ANKRD30BL: variants seen among roughly 807,000 people sequenced by gnomAD.
ANKRD30BL encodes the protein ankyrin repeat domain 30B like.
ANKRD30BL carries 20 observed loss-of-function variants against 18.4 expected under a neutral mutation model. The observed-to-expected ratio is 1.09, with a 90% CI of 0.77 to 1.58. ANKRD30BL has a LOEUF of 1.58. Among genes scored for constraint, ANKRD30BL ranks in the 40% most tolerant of loss-of-function variants. ANKRD30BL has a pLI of 0.00. For missense variants in ANKRD30BL, 224 were observed against 268.6 expected, an observed-to-expected ratio of 0.83 and a Z score of 1.16; for synonymous variants, 72 against 100.9, an observed-to-expected ratio of 0.71 and a Z score of 1.72.
chr2:132,177,144 G>A (rs1688379152), intron 1 of ANKRD30BL, among the ~76,000 whole-genome samples: 1 of 151,546 alleles, frequency 6.6e-6, no homozygotes, highest in South Asian at 2.1e-4. Context: ...TCCTTAGCCA[G>A]ATGTGCCTAT....
At chr2:132,222,246 A>T (rs1348932444) in intron 1 of ANKRD30BL, among the ~76,000 whole-genome samples, 1 of 130,022 alleles carries the variant, frequency 7.7e-6, no homozygotes, top group African/African-American at 2.9e-5. Context: ...CAGCCGCCCC[A>T]TCCGGGAGGT....
chr2:132,185,665 T>C (rs569939043), intron 1 of ANKRD30BL, among the ~76,000 whole-genome samples: 2 of 152,270 alleles, frequency 1.3e-5, no homozygotes, highest in African/African-American at 2.4e-5. Context: ...GATCATACTG[T>C]CTCTGTCCAG....
At chr2:132,246,820 TAGGCAGAAGAATTCTCA>T (rs746320160) in intron 1 of ANKRD30BL, among the ~76,000 whole-genome samples, 16 of 151,728 alleles carry the variant, frequency 1.1e-4, no homozygotes, top group Admixed American at 4.0e-4. Context: ...CCAATAAAAC[TAGGCAGAAGAATTCTCA>T]GAAACTTCTT....
At chr2:132,242,521 T>TG (rs1680367139) in intron 1 of ANKRD30BL, among the ~76,000 whole-genome samples, 1 of 148,120 alleles carries the variant, frequency 6.8e-6, no homozygotes, top group Admixed American at 6.6e-5. Context: ...TTGTGGCCTA[T>TG]GGTGAAAAAG....
At chr2:132,206,107 G>A (rs1386420772) in intron 1 of ANKRD30BL, among the ~76,000 whole-genome samples, 6 of 152,086 alleles carry the variant, frequency 3.9e-5, no homozygotes, top group African/African-American at 1.2e-4. Flanking sequence ...GCAGTGAGCC[G>A]AGATGATGCC....
chr2:132,198,336 TTTTTTTA>T (rs1679017524), intron 1 of ANKRD30BL, among the ~76,000 whole-genome samples: 1 of 129,430 alleles, frequency 7.7e-6, no homozygotes, highest in African/African-American at 3.1e-5. Context: ...TTTTTTTTTT[TTTTTTTA>T]GACAGAGTCT....
chr2:132,182,958 T>C (rs573497007), intron 1 of ANKRD30BL, among the ~76,000 whole-genome samples: 69 of 152,254 alleles, frequency 4.5e-4, no homozygotes, highest in African/African-American at 1.6e-3. Flanking sequence ...TATTTTGATA[T>C]ATTTGAAAGA....
intron 1 of ANKRD30BL, among the ~76,000 whole-genome samples, chr2:132,249,168 TC>T (rs138598816): frequency 1.3e-5 from 2 of 152,158 alleles, no homozygotes; most frequent in African/African-American, 2.4e-5. Flanking sequence ...TTCACAAATA[TC>T]CCTTTGCATA....
chr2:132,154,270 T>G (rs1379438076), intron 4 of ANKRD30BL, among the ~76,000 whole-genome samples: 2 of 152,182 alleles, frequency 1.3e-5, no homozygotes, highest in Admixed American at 6.5e-5. Flanking sequence ...CAGCAAATAT[T>G]GCATTTTTTA....
At position 132,244,644 on chromosome 2, in the gene ANKRD30BL, C is replaced by T. The variant is rs1344918799; in HGVS notation, n.441+12885G>A. ...GACACTTCGTTGTGATGTGTGCACT[C>T]AAATCACAGAATTGAACTTCTCTTT... On this transcript the variant is annotated intron_variant and non_coding_transcript_variant, in intron 1 of 4. Transcript: ENST00000470729. 3.9e-5 allele frequency among the ~76,000 whole-genome samples: 6 copies of T among 152,288 alleles called. No homozygotes were observed. The South Asian group carries it at 8.3e-4, about 21-fold the overall frequency.
chr2:132,214,126 A>G (rs10928294), intron 1 of ANKRD30BL, among the ~76,000 whole-genome samples: 302 of 112,604 alleles, frequency 2.7e-3, no homozygotes, highest in East Asian at 0.012. Context: ...TATTTGGAGC[A>G]CTTTGAGACC....
intron 1 of ANKRD30BL, among the ~76,000 whole-genome samples, chr2:132,176,005 A>G (rs1688362460): frequency 6.6e-6 from 1 of 152,230 alleles, no homozygotes; most frequent in African/African-American, 2.4e-5. Flanking sequence ...TTCTACATAG[A>G]CACAGTAACA....
intron 1 of ANKRD30BL, among the ~76,000 whole-genome samples, chr2:132,174,657 G>T (rs542923112): frequency 6.6e-6 from 1 of 152,226 alleles, no homozygotes. Flanking sequence ...AAAGTTGTGG[G>T]TGGTGAGTTA....
At chr2:132,205,401 A>AATTTGT (rs1679192063) in intron 1 of ANKRD30BL, among the ~76,000 whole-genome samples, 1 of 135,842 alleles carries the variant, frequency 7.4e-6, no homozygotes, top group African/African-American at 3.8e-5. Flanking sequence ...ACCTGAGGTG[A>AATTTGT]GACCAGCCTG....
At chr2:132,249,297 G>T (rs1260149754) in intron 1 of ANKRD30BL, among the ~76,000 whole-genome samples, 2 of 151,968 alleles carry the variant, frequency 1.3e-5, no homozygotes, top group Non-Finnish European at 2.9e-5. Context: ...TTCATGTGAA[G>T]ATATTTCCTT....
intron 1 of ANKRD30BL, among the ~76,000 whole-genome samples, chr2:132,232,023 G>C (rs1345333700): frequency 1.3e-5 from 2 of 152,220 alleles, no homozygotes; most frequent in Non-Finnish European, 2.9e-5. Context: ...GTGGGTCCCT[G>C]ACCCCTGACC....
At chr2:132,185,066 C>A (rs1168438729) in intron 1 of ANKRD30BL, among the ~76,000 whole-genome samples, 1 of 152,054 alleles carries the variant, frequency 6.6e-6, no homozygotes, top group East Asian at 1.9e-4. Flanking sequence ...CGTGCCTCAG[C>A]CTCCCAAAGT....
At chr2:132,255,854 G>C (rs1680818354) in intron 1 of ANKRD30BL, among the ~76,000 whole-genome samples, 1 of 152,114 alleles carries the variant, frequency 6.6e-6, no homozygotes, top group East Asian at 1.9e-4. Context: ...CATTCGAATG[G>C]GTCATCGCTG....
At chr2:132,230,128 A>G (rs1256931467) in intron 1 of ANKRD30BL, among the ~76,000 whole-genome samples, 4 of 152,054 alleles carry the variant, frequency 2.6e-5, no homozygotes, top group African/African-American at 9.7e-5. Flanking sequence ...GGAAAAGGAA[A>G]TATCTTCCCA....
Sources: gnomAD v4.1 joint callset for allele counts (sites outside exome capture counted in the v4.1 genomes callset) on GRCh38, gnomAD v4.1.1 for gene constraint, MANE v1.5 for transcripts, NCBI Gene and HGNC (gene_info 2026-07-23, HGNC 2026-07-21) for gene names.